The following ADARB2 variants were observed in gnomAD, a reference collection of about 807,000 sequenced individuals.
ADARB2 encodes the protein adenosine deaminase RNA specific B2 (inactive).
Under a neutral mutation model 62.2 loss-of-function variants are expected in ADARB2, and 25 were observed. The ratio of observed to expected loss-of-function variants is 0.40; its 90% CI spans 0.29 to 0.56. The LOEUF (loss-of-function observed/expected upper bound fraction) is 0.56, where lower values mean the gene tolerates loss of function less well. ADARB2 is among the 20% of genes least tolerant of loss of function. ADARB2 has a pLI of 0.43. For missense variants in ADARB2, 1,071 were observed against 1,077.4 expected, an observed-to-expected ratio of 0.99 and a Z score of 0.08; for synonymous variants, 572 against 500.8, an observed-to-expected ratio of 1.14 and a Z score of -1.90.
intron 1 of ADARB2, among the ~76,000 whole-genome samples, chr10:1,583,320 G>T (rs1833131915): frequency 6.6e-6 from 1 of 152,220 alleles, no homozygotes; most frequent in African/African-American, 2.4e-5. Context: ...ATGCAAATAT[G>T]ATCTTGAGAA....
intron 7 of ADARB2, among the ~76,000 whole-genome samples, chr10:1,211,111 ATCTT>A (rs1179519448): frequency 1.3e-5 from 2 of 148,206 alleles, no homozygotes; most frequent in Non-Finnish European, 3.0e-5. Context: ...CCTCCTATCT[ATCTT>A]CTATCATCTG....
chr10:1,360,723 G>A (rs755756085), intron 3 of ADARB2, among the ~76,000 whole-genome samples: 20 of 152,326 alleles, frequency 1.3e-4, no homozygotes, highest in Admixed American at 2.6e-4. Flanking sequence ...TGAATGGCCC[G>A]AAACCCTCGC....
intron 1 of ADARB2, among the ~76,000 whole-genome samples, chr10:1,491,801 C>T (rs1376382957): frequency 6.6e-6 from 1 of 152,244 alleles, no homozygotes; most frequent in South Asian, 2.1e-4. Flanking sequence ...AAAGACCTTT[C>T]TGTCTCCGCT....
chr10:1,451,621 C>T (rs948828726), intron 1 of ADARB2, among the ~76,000 whole-genome samples: 10 of 151,502 alleles, frequency 6.6e-5, no homozygotes, highest in African/African-American at 2.4e-4. Context: ...GGGGACACAC[C>T]TTCCTGAGAA....
intron 1 of ADARB2, among the ~76,000 whole-genome samples, chr10:1,695,755 C>T (rs1834732818): frequency 6.6e-6 from 1 of 152,090 alleles, no homozygotes; most frequent in African/African-American, 2.4e-5. Flanking sequence ...TACATGGAAA[C>T]ATGCATGTGT....
At chr10:1,242,888 AAAAC>A (rs1458088810) in intron 4 of ADARB2, among the ~76,000 whole-genome samples, 3 of 152,222 alleles carry the variant, frequency 2.0e-5, no homozygotes, top group Non-Finnish European at 4.4e-5. Context: ...TCAGGGACTG[AAAAC>A]AAACAACAAA....
intron 1 of ADARB2, among the ~76,000 whole-genome samples, chr10:1,677,804 G>T (rs1834485929): frequency 6.6e-6 from 1 of 152,194 alleles, no homozygotes; most frequent in South Asian, 2.1e-4. Context: ...AGGCTGCTCT[G>T]TCTCTGCAGA....
chr10:1,256,645 A>G (rs942954146), intron 4 of ADARB2, among the ~76,000 whole-genome samples: 1 of 152,202 alleles, frequency 6.6e-6, no homozygotes, highest in African/African-American at 2.4e-5. Context: ...GAAGGTTATT[A>G]GTTACGATCC....
chr10:1,201,134 A>G (rs912784563), intron 7 of ADARB2, among the ~76,000 whole-genome samples: 9 of 152,226 alleles, frequency 5.9e-5, no homozygotes, highest in Admixed American at 5.9e-4. Context: ...AACACAAGCA[A>G]TTTAGCCAGC....
chr10:1,443,217 T>C (rs1270750429), intron 1 of ADARB2, among the ~76,000 whole-genome samples: 1 of 152,140 alleles, frequency 6.6e-6, no homozygotes, highest in African/African-American at 2.4e-5. Context: ...TTTTCTGTCC[T>C]GTGCTTGGGA....
At chr10:1,270,467 A>T (rs1831250343) in intron 4 of ADARB2, among the ~76,000 whole-genome samples, 1 of 152,138 alleles carries the variant, frequency 6.6e-6, no homozygotes, top group Admixed American at 6.5e-5. Flanking sequence ...CACAGGGCCG[A>T]TTGATCAAAT....
At chr10:1,245,390 GGTTA>G (rs1349888090) in intron 4 of ADARB2, among the ~76,000 whole-genome samples, 1 of 152,022 alleles carries the variant, frequency 6.6e-6, no homozygotes, top group African/African-American at 2.4e-5. Flanking sequence ...ACAACGTGCA[GGTTA>G]GTTACATATG....
chr10:1,486,186 G>GTGCATGT (rs1831540792), intron 1 of ADARB2, among the ~76,000 whole-genome samples: 1 of 151,114 alleles, frequency 6.6e-6, no homozygotes, highest in African/African-American at 2.5e-5. Flanking sequence ...AAATGTGTGT[G>GTGCATGT]TGCATGTGTA....
chr10:1,349,695 G>A (rs1832115964), intron 3 of ADARB2, among the ~76,000 whole-genome samples: 1 of 151,824 alleles, frequency 6.6e-6, no homozygotes, highest in Non-Finnish European at 1.5e-5. Flanking sequence ...TTCATTTCTT[G>A]TAGAGACAAA....
chr10:1,280,415 G>A (rs187963881), intron 3 of ADARB2, among the ~76,000 whole-genome samples: 24 of 152,302 alleles, frequency 1.6e-4, no homozygotes, highest in Middle Eastern at 3.4e-3. Flanking sequence ...GGACATGCAG[G>A]TGTGGACTAT....
chr10:1,605,071 T>C (rs1395195708), intron 1 of ADARB2, among the ~76,000 whole-genome samples: 1 of 152,256 alleles, frequency 6.6e-6, no homozygotes, highest in Non-Finnish European at 1.5e-5. Context: ...AAATAGTATA[T>C]TCAATTTTTC....
intron 3 of ADARB2, among the ~76,000 whole-genome samples, chr10:1,341,065 C>T (rs181310122): frequency 3.3e-5 from 5 of 150,800 alleles, no homozygotes; most frequent in South Asian, 4.3e-4. Flanking sequence ...CCCACAGCGG[C>T]GATAACTGGC....
At chr10:1,297,223 G>T (rs928583214) in intron 3 of ADARB2, among the ~76,000 whole-genome samples, 2 of 152,168 alleles carry the variant, frequency 1.3e-5, no homozygotes, top group Non-Finnish European at 2.9e-5. Context: ...CTTTATCGCA[G>T]GGAGGAAGGG....
intron 1 of ADARB2, among the ~76,000 whole-genome samples, chr10:1,403,938 G>C (rs921654103): frequency 1.3e-5 from 2 of 152,322 alleles, no homozygotes; most frequent in South Asian, 4.1e-4. Flanking sequence ...GCAGGGCACT[G>C]TCCTGTGAAT....
Sources: allele counts gnomAD v4.1 joint callset (sites outside exome capture counted in the v4.1 genomes callset), GRCh38; gene constraint gnomAD v4.1.1; transcripts MANE v1.5; gene names NCBI Gene and HGNC (gene_info 2026-07-23, HGNC 2026-07-21).